HMGN5: variants seen among roughly 807,000 people sequenced by gnomAD.
The protein encoded by HMGN5 is high mobility group nucleosome-binding domain-containing protein 5.
HMGN5 carries 4 observed loss-of-function variants against 9.5 expected under a neutral mutation model. The ratio of observed to expected loss-of-function variants is 0.42; its 90% confidence interval spans 0.21 to 0.96. The LOEUF (loss-of-function observed/expected upper bound fraction) is 0.96, where lower values mean the gene tolerates loss of function less well. HMGN5 is among the 40% of genes least tolerant of loss of function. The probability of loss-of-function intolerance (pLI) is 0.30; values close to 1 mark genes in which losing one functional copy is unlikely to be tolerated. For missense variants in HMGN5, 192 were observed against 187.5 expected (o/e 1.02, Z -0.14); for synonymous variants, 55 against 57.1 (o/e 0.96, Z 0.16).
chrX:81,179,285 T>C (rs760190876), intron 1 of HMGN5, among the ~76,000 whole-genome samples: 1 of 111,834 alleles, frequency 8.9e-6, no homozygotes, highest in Admixed American at 9.5e-5. Context: ...CATGACATGA[T>C]TGTATATTTG....
At chrX:81,196,211 GA>G (rs1004923494) in intron 1 of HMGN5, among the ~76,000 whole-genome samples, 12 of 111,004 alleles carry the variant, frequency 1.1e-4, no homozygotes, top group Admixed American at 1.9e-4. Flanking sequence ...TGTTAATAGA[GA>G]AAAAATTTTA....
At chrX:81,136,853 G>A (rs1180949090) in intron 1 of HMGN5, among the ~76,000 whole-genome samples, 1 of 110,738 alleles carries the variant, frequency 9.0e-6, no homozygotes, top group Non-Finnish European at 1.9e-5. Flanking sequence ...ATAAAAGAAT[G>A]GAAAAAGACA....
At chrX:81,157,387 C>T (rs919555823) in intron 1 of HMGN5, among the ~76,000 whole-genome samples, 14 of 111,866 alleles carry the variant, frequency 1.3e-4, no homozygotes, top group African/African-American at 4.2e-4. Flanking sequence ...TGCATTTGAC[C>T]GGGTAGCCTT....
At chrX:81,186,783 A>G (rs2075478686) in intron 1 of HMGN5, among the ~76,000 whole-genome samples, 4 of 111,497 alleles carry the variant, frequency 3.6e-5, no homozygotes, top group African/African-American at 1.3e-4. Flanking sequence ...GCACATCTTT[A>G]CAATAAATTA....
intron 1 of HMGN5, among the ~76,000 whole-genome samples, chrX:81,153,678 C>G (rs1317451615): frequency 1.3e-5 from 1 of 79,781 alleles, no homozygotes; most frequent in Non-Finnish European, 2.3e-5. Flanking sequence ...ACTAAAGACT[C>G]CAGAATAAAA....
chrX:81,142,908 C>T (rs1400268882), intron 1 of HMGN5, among the ~76,000 whole-genome samples: 1 of 111,314 alleles, frequency 9.0e-6, no homozygotes, highest in Non-Finnish European at 1.9e-5. Flanking sequence ...AAAATAATGA[C>T]TATGACAACT....
intron 1 of HMGN5, among the ~76,000 whole-genome samples, chrX:81,179,985 A>T (rs2075456688): frequency 8.9e-6 from 1 of 111,819 alleles, no homozygotes. Flanking sequence ...GGTGCTGGGA[A>T]AACTGGCTAG....
chrX:81,170,060 A>C (rs957318842), intron 1 of HMGN5, among the ~76,000 whole-genome samples: 6 of 108,017 alleles, frequency 5.6e-5, no homozygotes, highest in Non-Finnish European at 1.1e-4. Flanking sequence ...TCTCAAAAAA[A>C]AAAAAAAAAA....
chrX:81,175,424 A>G (rs2075438778), intron 1 of HMGN5, among the ~76,000 whole-genome samples: 1 of 111,119 alleles, frequency 9.0e-6, no homozygotes, highest in South Asian at 3.8e-4. Flanking sequence ...GTTTTGGTTA[A>G]CTATAGTTTT....
At position 81,156,909 on chromosome X, in the gene HMGN5, AG is replaced by A. The variant is rs1323876831; in HGVS notation, c.-123-35238del. On this transcript the variant is annotated intron_variant, in intron 1 of 6. Coordinates refer to ENST00000358130, the MANE Select transcript of HMGN5 (RefSeq NM_030763.3). Reference sequence around the variant, plus strand: ...TGATACTATCAGTTGTTTAAGATGAAGCTCGTAGTTCAGGATGCTTCTGATT... The same window carrying A: ...TGATACTATCAGTTGTTTAAGATGAACTCGTAGTTCAGGATGCTTCTGATT... 1.3e-4 allele frequency among the ~76,000 whole-genome samples: 14 copies of A among 111,114 alleles called. No individual in the cohort carries two copies. The East Asian group carries it at 2.0e-3, about 16-fold the overall frequency.
At position 81,116,189 on chromosome X, in the gene HMGN5, A is replaced by C; in HGVS notation, c.267+15T>G. 8.7e-7 allele frequency: 1 copy of C among 1,145,002 alleles called. No homozygotes were observed. The highest frequency in any genetic ancestry group is 1.2e-6 in the Non-Finnish European group (1 of 839,647). 94.4% of individuals were successfully genotyped at this position (1,145,002 alleles called of 1,213,427 possible). A position where few individuals can be genotyped will look rare whatever the true frequency, so the allele number is the denominator to read the frequency against. On this transcript the variant is annotated intron_variant, in intron 6 of 6. Coordinates refer to ENST00000358130, the MANE Select transcript of HMGN5 (RefSeq NM_030763.3). The stretch of plus-strand genomic sequence containing the variant: ...AAACTTTCAAATAGATAAAACTGTT[A>C]ACATTAGAAAATACCTCTGTAATTT...
At chrX:81,117,041 A>G (rs1441429792) in intron 5 of HMGN5, among the ~76,000 whole-genome samples, 1 of 111,041 alleles carries the variant, frequency 9.0e-6, no homozygotes, top group Non-Finnish European at 1.9e-5. Context: ...TTATTTTCAT[A>G]TATAAAAAGA....
chrX:81,121,425 G>T, intron 2 of HMGN5, 110 bp downstream of exon 2: 1 of 793,569 alleles, frequency 1.3e-6, no homozygotes, highest in African/African-American at 2.0e-5. Context: ...ATCACAAAAT[G>T]GAAGAAGCCA....
In HMGN5 at chrX:81,115,099, A is replaced by G. The variant is rs1410914032; in HGVS notation, c.399T>C (p.Asp133=). 1.5e-5 allele frequency: 17 copies of G among 1,147,127 alleles called. No homozygotes were observed. The highest frequency in any genetic ancestry group is 2.0e-5 in the Non-Finnish European group (17 of 865,289). The allele number at this position is 1,147,127 out of a possible 1,213,427, so 94.5% of individuals were successfully genotyped here. ...CTTTCTCTTCGTTTTGATCTTCTTC[A>G]TCTTCTTTCTGATCTTCTTCTTCAT... ...VKNEEEDQKE[D]EEDQNEEKGE... Residue 133 remains aspartate, a synonymous_variant, in exon 7 of 7, where the codon GAT becomes GAC. Coordinates refer to ENST00000358130, the MANE Select transcript of HMGN5 (RefSeq NM_030763.3).
In HMGN5 at chrX:81,114,387, T is replaced by A. The variant is rs1185624604; in HGVS notation, c.*262A>T. 4 of 222,126 alleles carry A rather than the reference T, an allele frequency of 1.8e-5. No homozygotes were observed. The highest frequency in any genetic ancestry group is 2.4e-5 in the Non-Finnish European group (3 of 123,888). The allele number at this position is 222,126 out of a possible 1,213,427, so 18.3% of individuals were successfully genotyped here. ...AATTAAAATTCAAAGATTTGACATATAACTTACACAACACGAAATTCACTC... is the reference window on the plus strand; with the variant it reads ...AATTAAAATTCAAAGATTTGACATAAAACTTACACAACACGAAATTCACTC... On this transcript the variant is annotated 3_prime_UTR_variant, in exon 7 of 7. Transcript: ENST00000358130.
chrX:81,169,696 G>A (rs2075420114), intron 1 of HMGN5, among the ~76,000 whole-genome samples: 1 of 111,132 alleles, frequency 9.0e-6, no homozygotes, highest in Admixed American at 9.6e-5. Flanking sequence ...TAGCCATAGA[G>A]GGATATCAAG....
intron 1 of HMGN5, among the ~76,000 whole-genome samples, chrX:81,178,986 C>T (rs765758199): frequency 2.3e-4 from 26 of 111,452 alleles, no homozygotes; most frequent in South Asian, 2.3e-3. Context: ...AAAAGGCCTT[C>T]GACAAAATTC....
intron 1 of HMGN5, among the ~76,000 whole-genome samples, chrX:81,179,198 A>G (rs760345755): frequency 3.9e-4 from 44 of 111,766 alleles, no homozygotes; most frequent in African/African-American, 1.4e-3. Context: ...GAAGTTCTGG[A>G]CAGGGCAATC....
At chrX:81,198,386 C>A (rs2075515208) in intron 1 of HMGN5, among the ~76,000 whole-genome samples, 2 of 110,694 alleles carry the variant, frequency 1.8e-5, no homozygotes, top group Admixed American at 9.6e-5. Context: ...AGGCTAGCAG[C>A]ATCCTGATAC....
Sources: allele counts gnomAD v4.1 joint callset (sites outside exome capture counted in the v4.1 genomes callset), GRCh38; gene constraint gnomAD v4.1.1; transcripts MANE v1.5; gene names NCBI Gene and HGNC (gene_info 2026-07-23, HGNC 2026-07-21).